The following ELP2 variants were observed in gnomAD, a reference collection of about 807,000 sequenced individuals.
The protein encoded by ELP2 is elongator acetyltransferase complex subunit 2, also known as elongator complex protein 2.
In ELP2, 90 loss-of-function variants were observed where a neutral mutation model predicts 119.2. The observed-to-expected ratio is 0.75, with a 90% CI of 0.64 to 0.90. The LOEUF (loss-of-function observed/expected upper bound fraction) is 0.90. Among genes scored for constraint, ELP2 ranks in the 40% least tolerant of loss-of-function variants. The pLI, the probability that ELP2 is intolerant of heterozygous loss-of-function variation, is 0.00. For missense variants in ELP2, 921 were observed against 967.8 expected (o/e 0.95, Z 0.64); for synonymous variants, 339 against 331.0 (o/e 1.02, Z -0.26).
chr18:36,151,749 T>G (rs1463773287), intron 11 of ELP2, among the ~76,000 whole-genome samples: 4 of 68,932 alleles, frequency 5.8e-5, no homozygotes, highest in South Asian at 3.5e-4. Flanking sequence ...TCTGTTTTTT[T>G]TTTTTTTTTT....
chr18:36,154,904 C>G lies in ELP2; in HGVS notation c.1180C>G (p.Leu394Val), dbSNP rs2090514539. ...ISGHFDGVQD[L>V]VWDPEGEFII... The stretch of plus-strand genomic sequence containing the variant: ...AGGACACTTTGATGGTGTCCAAGAC[C>G]TAGTCTGGGATCCAGAAGGAGAATT... Residue 394 changes from leucine (L) to valine (V), a missense_variant, in exon 12 of 22, where the codon CTA (leucine) becomes GTA (valine). Physicochemically the swap from Leu to Val is conservative, Grantham distance 32 (BLOSUM62 1). Transcript: ENST00000358232. The G allele has an allele frequency of 1.9e-6, 3 of 1,613,082 alleles. No individual in the cohort carries two copies. The highest frequency in any genetic ancestry group is 2.5e-6 in the Non-Finnish European group (3 of 1,179,078).
In ELP2 at chr18:36,149,488, G is replaced by GT. The variant is rs71166097; in HGVS notation, c.1125+3121dup. ...GTTGCAGGGTTTTTTGTTTTGTTTT[G>GT]TTTTTTTTTTTTTTGCTTAGAAATC... is the stretch of plus-strand genomic sequence containing the variant. On this transcript the variant is annotated intron_variant, in intron 11 of 21. Transcript: ENST00000358232. Among the ~76,000 whole-genome samples, 47 of 125,090 alleles carry GT rather than the reference G, an allele frequency of 3.8e-4. 1 individual carries two copies. Among genetic ancestry groups the GT allele is most frequent in the South Asian group, 5.2e-4 (2 of 3,882 alleles). 82.1% of individuals were successfully genotyped at this position (125,090 alleles called of 152,430 possible). A position where few individuals can be genotyped will look rare whatever the true frequency, so the allele number is the denominator to read the frequency against.
At position 36,171,139 on chromosome 18, in the gene ELP2, A is replaced by C. The variant is rs1400325951; in HGVS notation, c.2303A>C (p.His768Pro). The C allele has an allele frequency of 6.2e-7, 1 of 1,612,860 alleles. No individual in the cohort carries two copies. The highest frequency in any genetic ancestry group is 2.2e-5 in the East Asian group (1 of 44,874). Residue 768 changes from histidine (H) to proline (P), a missense_variant, in exon 21 of 22, where the codon CAC becomes CCC. By Grantham distance (77) the His-to-Pro change is moderately conservative (BLOSUM62 -2). Transcript: ENST00000358232. ...GTTCCAGAAATAAATGACTGGACCC[A>C]CTGTGTAGAAACAAGTCAAAGGTAT... ...DQVPEINDWT[H>P]CVETSQSQSH... is the part of the protein sequence containing the mutation.
chr18:36,174,220 T>G (rs987800659), intron 21 of ELP2, among the ~76,000 whole-genome samples: 4 of 151,622 alleles, frequency 2.6e-5, no homozygotes, highest in Non-Finnish European at 4.4e-5. Context: ...TTATTTTTTG[T>G]TTTTTTTTAA....
intron 19 of ELP2, among the ~76,000 whole-genome samples, chr18:36,167,633 A>C (rs527900233): frequency 6.6e-6 from 1 of 152,334 alleles, no homozygotes; most frequent in East Asian, 1.9e-4. Flanking sequence ...ATTTGGTGCT[A>C]GAAGTGGGTG....
chr18:36,137,841 G>A (rs1314882269), intron 3 of ELP2, among the ~76,000 whole-genome samples: 1 of 145,386 alleles, frequency 6.9e-6, no homozygotes, highest in African/African-American at 2.5e-5. Context: ...ACATCACGGT[G>A]AAAAAACCTG....
At position 36,133,290 on chromosome 18, in the gene ELP2, T is replaced by C; in HGVS notation, c.191T>C (p.Ile64Thr). ...LNGHTARVNC[I>T]QWICKQDGSP... ...GGTCACACCGCCCGAGTCAATTGCA[T>C]ACAGTGGATTTGTAAACAGGATGGC... The change falls in exon 2 of 22, where the codon ATA becomes ACA. Residue 64 changes from isoleucine to threonine, a missense_variant. Physicochemically the swap from Ile to Thr is moderately conservative, Grantham distance 89. Transcript: ENST00000358232. The C allele has an allele frequency of 6.2e-7, 1 of 1,613,728 alleles. No individual in the cohort carries two copies. The highest frequency in any genetic ancestry group is 8.5e-7 in the Non-Finnish European group (1 of 1,179,580).
chr18:36,148,169 C>T (rs1405974509), intron 11 of ELP2, among the ~76,000 whole-genome samples: 1 of 151,340 alleles, frequency 6.6e-6, no homozygotes, highest in East Asian at 2.0e-4. Flanking sequence ...TCTCGGCTCA[C>T]TGCAAGCTCC....
intron 3 of ELP2, among the ~76,000 whole-genome samples, chr18:36,136,790 A>T (rs2089842123): frequency 6.6e-6 from 1 of 152,012 alleles, no homozygotes; most frequent in African/African-American, 2.4e-5. Flanking sequence ...GTCTCTGTGA[A>T]TTTCCTGTCA....
At position 36,146,808 on chromosome 18, in the gene ELP2, C is replaced by T. The variant is rs545958868; in HGVS notation, c.1125+427C>T. Among the ~76,000 whole-genome samples the T allele has an allele frequency of 2.0e-5, 3 of 152,096 alleles. No homozygotes were observed. In the East Asian group the frequency reaches 5.8e-4, roughly 29 times the overall value. On this transcript the variant is annotated intron_variant, in intron 11 of 21. Coordinates refer to ENST00000358232, the MANE Select transcript of ELP2 (RefSeq NM_018255.4). ...CTTGAAGCTAGGAGTTTGAGAACAG[C>T]CTTGGTGAAAGAATAAGACCCGTCT...
chr18:36,130,597 C>T (rs746015768), intron 1 of ELP2, among the ~76,000 whole-genome samples: 5 of 152,082 alleles, frequency 3.3e-5, no homozygotes, highest in Non-Finnish European at 7.4e-5. Context: ...GGATGGGGAT[C>T]CTAAGCACTG....
chr18:36,164,668 G>A lies in ELP2; in HGVS notation c.1954+1G>A. On this transcript the variant is annotated splice_donor_variant, in intron 18 of 21. Coordinates refer to ENST00000358232, the MANE Select transcript of ELP2 (RefSeq NM_018255.4). LOFTEE classifies it high-confidence loss of function. The stretch of plus-strand genomic sequence containing the variant: ...CAGGATACAATCTCACCTGAGTTCG[G>A]TAAAACAGCTTCTGATTGGGAAAGT... 1 of 1,613,896 alleles carries A rather than the reference G, an allele frequency of 6.2e-7. No individual in the cohort carries two copies. The highest frequency in any genetic ancestry group is 8.5e-7 in the Non-Finnish European group (1 of 1,179,862).
chr18:36,132,179 C>T (rs2089658406), intron 1 of ELP2, among the ~76,000 whole-genome samples: 1 of 152,108 alleles, frequency 6.6e-6, no homozygotes. Context: ...AGCCACCACA[C>T]CTGGCCTCGA....
chr18:36,146,550 T>G (rs767526394), intron 11 of ELP2, among the ~76,000 whole-genome samples, 169 bp downstream of exon 11: 2 of 152,226 alleles, frequency 1.3e-5, no homozygotes, highest in Non-Finnish European at 2.9e-5. Context: ...TGCATGTAGG[T>G]AAATTTGCTA....
intron 11 of ELP2, among the ~76,000 whole-genome samples, chr18:36,153,843 A>C (rs2090478725): frequency 6.6e-6 from 1 of 151,660 alleles, no homozygotes; most frequent in Non-Finnish European, 1.5e-5. Context: ...CAGAGTTTCC[A>C]CGTCCCTCTA....
At chr18:36,165,805 C>G (rs2090878295) in intron 18 of ELP2, among the ~76,000 whole-genome samples, 1 of 152,008 alleles carries the variant, frequency 6.6e-6, no homozygotes, top group African/African-American at 2.4e-5. Flanking sequence ...GCATTTCAAC[C>G]TGGGAGGCAG....
chr18:36,145,272 C>G lies in ELP2; in HGVS notation c.892+238C>G, dbSNP rs1461230843. Reference sequence around the variant, plus strand: ...GCCATGATGCTGAAACTACCACACCCCCAGTAACTTTTTATCTTAAAAGTT... The same window carrying G: ...GCCATGATGCTGAAACTACCACACCGCCAGTAACTTTTTATCTTAAAAGTT... On this transcript the variant is annotated intron_variant, in intron 9 of 21. Coordinates refer to ENST00000358232, the MANE Select transcript of ELP2 (RefSeq NM_018255.4). 1.7e-5 allele frequency: 8 copies of G among 474,838 alleles called. No homozygotes were observed. The Admixed American group carries it at 2.8e-4, about 16-fold the overall frequency. The allele number at this position is 474,838 out of a possible 1,614,324, so 29.4% of individuals were successfully genotyped here.
At chr18:36,135,814 A>G (rs1412066049) in intron 2 of ELP2, among the ~76,000 whole-genome samples, 5 of 152,224 alleles carry the variant, frequency 3.3e-5, no homozygotes. Flanking sequence ...TCATTGTCAC[A>G]AAAATGAGGG....
chr18:36,151,275 G>T (rs778244034), intron 11 of ELP2, among the ~76,000 whole-genome samples: 9 of 151,752 alleles, frequency 5.9e-5, no homozygotes, highest in African/African-American at 1.9e-4. Context: ...TAGAGACGGG[G>T]TTTCACCATG....
Sources: allele counts gnomAD v4.1 joint callset (sites outside exome capture counted in the v4.1 genomes callset), GRCh38; gene constraint gnomAD v4.1.1; transcripts MANE v1.5; gene names NCBI Gene and HGNC (gene_info 2026-07-23, HGNC 2026-07-21).